The following CCDC85A variants were observed in gnomAD, a reference collection of about 807,000 sequenced individuals.
CCDC85A encodes the protein coiled-coil domain containing 85A.
Under a neutral mutation model 50.2 loss-of-function variants are expected in CCDC85A, and 38 were observed. The ratio of observed to expected loss-of-function variants is 0.76; its 90% confidence interval spans 0.58 to 0.99. The LOEUF is 0.99. CCDC85A is among the 50% of genes least tolerant of loss of function. The pLI, the probability that CCDC85A is intolerant of heterozygous loss-of-function variation, is 0.00. For synonymous variants in CCDC85A, 366 were observed against 301.4 expected (o/e 1.21, Z -2.22); for missense variants, 820 against 742.0 (o/e 1.11, Z -1.22).
chr2:56,218,183 C>T (rs949968129), intron 2 of CCDC85A, among the ~76,000 whole-genome samples: 21 of 151,848 alleles, frequency 1.4e-4, no homozygotes, highest in Non-Finnish European at 1.2e-4. Context: ...CTTGTGACTG[C>T]AGATAAACAG....
chr2:56,294,700 T>A (rs1049739138), intron 2 of CCDC85A, among the ~76,000 whole-genome samples: 4 of 152,198 alleles, frequency 2.6e-5, no homozygotes, highest in Non-Finnish European at 5.9e-5. Context: ...CTAAACAGCA[T>A]CAGAACTTAG....
chr2:56,349,547 C>T (rs939661302), intron 3 of CCDC85A, among the ~76,000 whole-genome samples: 1 of 152,014 alleles, frequency 6.6e-6, no homozygotes, highest in Non-Finnish European at 1.5e-5. Context: ...TGGAGGCCCT[C>T]AAAATGAGGG....
intron 1 of CCDC85A, among the ~76,000 whole-genome samples, chr2:56,188,750 A>G (rs1676159975): frequency 6.6e-6 from 1 of 152,230 alleles, no homozygotes; most frequent in South Asian, 2.1e-4. Context: ...CTTGCTGAAA[A>G]CAATAAGAAA....
chr2:56,351,810 C>A (rs1307779627), intron 3 of CCDC85A, among the ~76,000 whole-genome samples: 1 of 151,720 alleles, frequency 6.6e-6, no homozygotes, highest in Non-Finnish European at 1.5e-5. Context: ...GTTGCCTGTT[C>A]ACTCCAATGG....
At chr2:56,378,300 A>G (rs912153633) in intron 5 of CCDC85A, among the ~76,000 whole-genome samples, 2 of 127,404 alleles carry the variant, frequency 1.6e-5, no homozygotes, top group East Asian at 4.0e-4. Context: ...ATCTGTGGTC[A>G]TGGTTTGTGG....
At chr2:56,334,607 T>C (rs184976345) in intron 2 of CCDC85A, among the ~76,000 whole-genome samples, 7 of 152,206 alleles carry the variant, frequency 4.6e-5, no homozygotes, top group Non-Finnish European at 5.9e-5. Context: ...CCTAACAATA[T>C]ACACAGGTAG....
intron 2 of CCDC85A, among the ~76,000 whole-genome samples, chr2:56,200,277 C>T (rs1157719284): frequency 1.3e-5 from 2 of 152,124 alleles, no homozygotes; most frequent in Admixed American, 1.3e-4. Context: ...AACCAAGTTG[C>T]CCTTGATAGT....
At chr2:56,358,210 A>G (rs1440018761) in intron 3 of CCDC85A, among the ~76,000 whole-genome samples, 1 of 152,210 alleles carries the variant, frequency 6.6e-6, no homozygotes, top group African/African-American at 2.4e-5. Flanking sequence ...TCTGAATACG[A>G]CAGATCCCAG....
At chr2:56,265,731 G>GT (rs1670411388) in intron 2 of CCDC85A, among the ~76,000 whole-genome samples, 1 of 152,158 alleles carries the variant, frequency 6.6e-6, no homozygotes, top group Non-Finnish European at 1.5e-5. Context: ...GGAAAACAGT[G>GT]TGGAGGTGCC....
chr2:56,296,679 C>A (rs182518389), intron 2 of CCDC85A, among the ~76,000 whole-genome samples: 2 of 152,104 alleles, frequency 1.3e-5, no homozygotes, highest in Non-Finnish European at 2.9e-5. Flanking sequence ...GGTTGTACAT[C>A]TGGGGCATGA....
intron 2 of CCDC85A, among the ~76,000 whole-genome samples, chr2:56,214,361 A>T (rs1429173875): frequency 1.3e-5 from 2 of 151,984 alleles, no homozygotes; most frequent in East Asian, 3.9e-4. Flanking sequence ...TAAGTGCTGC[A>T]TAAAAAATGT....
intron 2 of CCDC85A, among the ~76,000 whole-genome samples, chr2:56,286,752 A>G (rs1671462789): frequency 6.6e-6 from 1 of 151,974 alleles, no homozygotes; most frequent in Admixed American, 6.6e-5. Context: ...ATGTATTTCT[A>G]CTTTTGTATG....
At position 56,193,520 on chromosome 2, in the gene CCDC85A, A is replaced by G. The variant is rs984779441; in HGVS notation, c.1240+80A>G. The G allele has an allele frequency of 6.2e-6, 9 of 1,446,128 alleles. No individual in the cohort carries two copies. In the African/African-American group the frequency reaches 9.9e-5, roughly 16 times the overall value. 89.6% of individuals were successfully genotyped at this position (1,446,128 alleles called of 1,614,324 possible). ...ACGAATGATGATGGACTTTCCAGCC[A>G]TGTAAGAAAGTGCAGGCGCTAGCTA... On this transcript the variant is annotated intron_variant, in intron 2 of 5. Coordinates refer to ENST00000407595, the MANE Select transcript of CCDC85A (RefSeq NM_001080433.2).
chr2:56,194,629 T>G (rs1676455160), intron 2 of CCDC85A, among the ~76,000 whole-genome samples: 1 of 152,216 alleles, frequency 6.6e-6, no homozygotes, highest in African/African-American at 2.4e-5. Flanking sequence ...AATCCTTTTC[T>G]CATAGTGCTG....
intron 2 of CCDC85A, among the ~76,000 whole-genome samples, chr2:56,249,839 G>A (rs1314251684): frequency 6.6e-6 from 1 of 152,094 alleles, no homozygotes; most frequent in Non-Finnish European, 1.5e-5. Context: ...TCCTTCAGAT[G>A]CCCCTTCCTC....
chr2:56,361,623 G>T (rs1675531036), intron 3 of CCDC85A, among the ~76,000 whole-genome samples: 1 of 152,170 alleles, frequency 6.6e-6, no homozygotes, highest in Admixed American at 6.5e-5. Flanking sequence ...GAGTATTCCT[G>T]GAAGTGGGAA....
intron 2 of CCDC85A, among the ~76,000 whole-genome samples, chr2:56,289,882 G>C (rs1166790360): frequency 6.6e-6 from 1 of 152,152 alleles, no homozygotes; most frequent in African/African-American, 2.4e-5. Context: ...ATCTTTGTCA[G>C]ATGGTTTCTA....
At chr2:56,345,050 G>A (rs1674568454) in intron 3 of CCDC85A, among the ~76,000 whole-genome samples, 1 of 152,152 alleles carries the variant, frequency 6.6e-6, no homozygotes, top group South Asian at 2.1e-4. Flanking sequence ...TATACTTGAT[G>A]TGTCTATGTG....
chr2:56,195,078 TG>T (rs1676472709), intron 2 of CCDC85A, among the ~76,000 whole-genome samples: 1 of 152,252 alleles, frequency 6.6e-6, no homozygotes, highest in Non-Finnish European at 1.5e-5. Flanking sequence ...GAAGTAAATA[TG>T]TGCACCATTA....
Sources: gnomAD v4.1 joint callset for allele counts (sites outside exome capture counted in the v4.1 genomes callset) on GRCh38, gnomAD v4.1.1 for gene constraint, MANE v1.5 for transcripts, NCBI Gene and HGNC (gene_info 2026-07-23, HGNC 2026-07-21) for gene names.